The following DOCK9 variants were observed in gnomAD, a reference collection of about 807,000 sequenced individuals.
DOCK9 encodes the protein dedicator of cytokinesis 9.
A neutral mutation model predicts 263.3 loss-of-function variants in DOCK9; 89 were observed. That is an observed-to-expected ratio of 0.34 (90% CI 0.28 to 0.40). The LOEUF is 0.40. Ranked by LOEUF, DOCK9 falls within the 10% of genes least tolerant of loss-of-function variation. The pLI, the probability that DOCK9 is intolerant of heterozygous loss-of-function variation, is 1.00. For missense variants in DOCK9, 2,140 were observed against 2,603.4 expected (o/e 0.82, Z 3.87); for synonymous variants, 976 against 973.1 (o/e 1.00, Z -0.06).
chr13:99,011,083 G>GAC, intron 1 of DOCK9, among the ~76,000 whole-genome samples: 1 of 151,802 alleles, frequency 6.6e-6, no homozygotes, highest in South Asian at 2.1e-4. Flanking sequence ...TTTTAGTAGA[G>GAC]ACAAGGTTTC....
intron 15 of DOCK9, among the ~76,000 whole-genome samples, chr13:98,893,449 C>T (rs2046933232): frequency 6.6e-6 from 1 of 152,258 alleles, no homozygotes; most frequent in East Asian, 1.9e-4. Flanking sequence ...AAATCAAATA[C>T]AAAGTACCAA....
At chr13:99,008,156 TG>T (rs1430068085) in intron 1 of DOCK9, among the ~76,000 whole-genome samples, 3 of 148,814 alleles carry the variant, frequency 2.0e-5, no homozygotes, top group Non-Finnish European at 3.0e-5. Flanking sequence ...TTCATTGACA[TG>T]AACAGATGTT....
At chr13:98,859,313 A>G (rs1784863598) in intron 33 of DOCK9, 1 of 152,248 alleles carries the variant, frequency 6.6e-6, no homozygotes, top group Admixed American at 6.5e-5. Context: ...AGCATTTTGC[A>G]TGAATTAACT....
At chr13:98,905,696 C>G (rs1044659506) in intron 9 of DOCK9, among the ~76,000 whole-genome samples, 1 of 151,752 alleles carries the variant, frequency 6.6e-6, no homozygotes, top group African/African-American at 2.4e-5. Context: ...TAAAAATGGG[C>G]AACCAGCAGC....
intron 43 of DOCK9, 76 bp from the exon 44 acceptor site, chr13:98,826,963 T>A: frequency 9.0e-7 from 1 of 1,115,160 alleles, no homozygotes; most frequent in Non-Finnish European, 1.3e-6. Context: ...GACAGAAATC[T>A]AATCAATGTA....
chr13:98,918,680 C>A (rs1335808964), intron 7 of DOCK9, among the ~76,000 whole-genome samples: 1 of 152,130 alleles, frequency 6.6e-6, no homozygotes, highest in African/African-American at 2.4e-5. Context: ...AACTATGAGT[C>A]AAGCATGAAT....
intron 1 of DOCK9, among the ~76,000 whole-genome samples, chr13:99,036,629 A>T (rs1435510992): frequency 6.6e-6 from 1 of 152,126 alleles, no homozygotes; most frequent in Admixed American, 6.5e-5. Flanking sequence ...GCAACCTCCG[A>T]TTCCCTGATT....
At chr13:98,880,516 A>C (rs376599163) in intron 26 of DOCK9, 31 bp downstream of exon 26, 257 of 1,613,202 alleles carry the variant, frequency 1.6e-4, no homozygotes, top group Non-Finnish European at 2.1e-4. Context: ...AATCAGTTTC[A>C]ATCAGAGCCA....
intron 2 of DOCK9, among the ~76,000 whole-genome samples, chr13:98,940,087 T>C (rs56074908): frequency 0.033 from 5,101 of 152,334 alleles, 137 homozygotes; most frequent in Middle Eastern, 0.092. Context: ...TTTCAGAGCA[T>C]ATGACTTGCT....
intron 15 of DOCK9, among the ~76,000 whole-genome samples, chr13:98,890,721 G>A (rs946237694): frequency 6.6e-6 from 1 of 152,132 alleles, no homozygotes; most frequent in Admixed American, 6.5e-5. Context: ...AGCCTCACGT[G>A]TCACTCCTCA....
At chr13:99,081,155 CCAGTT>C (rs2042106979) in intron 1 of DOCK9, among the ~76,000 whole-genome samples, 1 of 152,176 alleles carries the variant, frequency 6.6e-6, no homozygotes, top group Non-Finnish European at 1.5e-5. Context: ...GAAGCCCTGG[CCAGTT>C]CAGTTATCAG....
chr13:98,863,712 T>C (rs2093941206), intron 30 of DOCK9, among the ~76,000 whole-genome samples, 164 bp from the exon 31 acceptor site: 1 of 152,172 alleles, frequency 6.6e-6, no homozygotes, highest in Admixed American at 6.5e-5. Flanking sequence ...AAGAATCAAT[T>C]CTACAAGGCT....
At chr13:99,048,144 CG>C (rs1404162537) in intron 1 of DOCK9, among the ~76,000 whole-genome samples, 1 of 152,144 alleles carries the variant, frequency 6.6e-6, no homozygotes, top group African/African-American at 2.4e-5. Flanking sequence ...AATCTTCATA[CG>C]GTGTTTAAAA....
At chr13:98,877,930 G>A (rs756347163) in intron 27 of DOCK9, among the ~76,000 whole-genome samples, 5 of 152,154 alleles carry the variant, frequency 3.3e-5, no homozygotes, top group African/African-American at 7.2e-5. Flanking sequence ...ATCCACTGGC[G>A]CCTCGTCATG....
chr13:99,072,327 A>G (rs2041716097), intron 1 of DOCK9, among the ~76,000 whole-genome samples: 2 of 152,118 alleles, frequency 1.3e-5, no homozygotes, highest in Admixed American at 6.6e-5. Flanking sequence ...CCTGATTTAG[A>G]GGGTGAAGTA....
chr13:98,823,749 A>T (rs1289589418), intron 45 of DOCK9, among the ~76,000 whole-genome samples: 1 of 152,226 alleles, frequency 6.6e-6, no homozygotes, highest in Non-Finnish European at 1.5e-5. Flanking sequence ...TTTATGTCAA[A>T]ACTCGCCAGT....
At position 98,922,085 on chromosome 13, in the gene DOCK9, C is replaced by T. The variant is rs1162530317; in HGVS notation, c.548G>A (p.Gly183Asp). The T allele has an allele frequency of 6.2e-7, 1 of 1,601,946 alleles. No homozygotes were observed. ...CACGCTGATGGCACTGTTCATGTTG[C>T]CTTTGTACAGCCAGCCATGCTTGGT... ...GITKHGWLYK[G>D]NMNSAISVTM... is the part of the protein sequence containing the mutation. Residue 183 changes from glycine (G) to aspartate (D), a missense_variant, in exon 6 of 53, where the codon GGC becomes GAC. Gly to Asp is a moderately conservative substitution (Grantham distance 94). Around this residue, in one of 2 missense-constraint regions of DOCK9, gnomAD observed 1,521 missense variants for 1,741.7 expected, o/e 0.87. Transcript: ENST00000682017.
intron 2 of DOCK9, among the ~76,000 whole-genome samples, chr13:98,940,031 T>C (rs7318008): frequency 0.97 from 148,435 of 152,342 alleles, 72,343 homozygotes; most frequent in East Asian, 1. Flanking sequence ...ACTTACTGAG[T>C]GCAGAGGTGA....
At chr13:98,958,076 T>C (rs1243841761) in intron 1 of DOCK9, among the ~76,000 whole-genome samples, 1 of 152,216 alleles carries the variant, frequency 6.6e-6, no homozygotes, top group Non-Finnish European at 1.5e-5. Flanking sequence ...GACAGGGGGT[T>C]GGAGGGACAC....
Sources: gnomAD v4.1 joint callset for allele counts (sites outside exome capture counted in the v4.1 genomes callset) on GRCh38, gnomAD v4.1.1 for gene constraint, gnomAD v4.1.1 regional missense constraint, MANE v1.5 for transcripts, NCBI Gene and HGNC (gene_info 2026-07-23, HGNC 2026-07-21) for gene names.